SLC30A7: variants seen among roughly 807,000 people sequenced by gnomAD.
The protein encoded by SLC30A7 is solute carrier family 30 member 7, also known as zinc transporter 7.
A neutral mutation model predicts 46.0 loss-of-function variants in SLC30A7; 35 were observed. That is an observed-to-expected ratio of 0.76 (90% confidence interval 0.58 to 1.01). The LOEUF is 1.01. Among genes scored for constraint, SLC30A7 ranks in the 50% least tolerant of loss-of-function variants. SLC30A7 has a pLI of 0.00. For missense variants in SLC30A7, 464 were observed against 451.1 expected (o/e 1.03, Z -0.26); for synonymous variants, 147 against 157.8 (o/e 0.93, Z 0.51).
At chr1:100,988,878 T>A in the SLC30A7 span, among the ~76,000 whole-genome samples, 5 of 151,560 alleles carry the variant, frequency 3.3e-5, no homozygotes, top group Admixed American at 3.3e-4. Context: ...AAATAAAAAA[T>A]AATAAAGAAA....
chr1:100,968,853 T>C (rs1420169147), intron 10 of SLC30A7, among the ~76,000 whole-genome samples: 1 of 152,232 alleles, frequency 6.6e-6, no homozygotes, highest in Non-Finnish European at 1.5e-5. Context: ...GAATTTGTTA[T>C]ATAAACAGAT....
At chr1:100,937,523 C>T (rs914068112) in intron 8 of SLC30A7, among the ~76,000 whole-genome samples, 112 of 151,972 alleles carry the variant, frequency 7.4e-4, no homozygotes, top group African/African-American at 2.4e-3. Context: ...TAACGTAATG[C>T]GTATCAAGTG....
At chr1:100,963,711 A>G (rs910856508) in intron 9 of SLC30A7, among the ~76,000 whole-genome samples, 9 of 128,942 alleles carry the variant, frequency 7.0e-5, no homozygotes, top group African/African-American at 2.3e-4. Context: ...CACAAACCAC[A>G]TGTGGCTAGT....
chr1:100,959,033 G>T (rs1340244216), intron 8 of SLC30A7, among the ~76,000 whole-genome samples: 1 of 152,202 alleles, frequency 6.6e-6, no homozygotes, highest in Non-Finnish European at 1.5e-5. Flanking sequence ...ATTCTAAGCA[G>T]AAGTTATAGT....
At chr1:100,912,636 C>T (rs541938064) in intron 5 of SLC30A7, among the ~76,000 whole-genome samples, 137 of 151,744 alleles carry the variant, frequency 9.0e-4, no homozygotes, top group Non-Finnish European at 1.7e-3. Context: ...CCAGCCTGGG[C>T]GATATGGCGA....
intron 2 of SLC30A7, among the ~76,000 whole-genome samples, chr1:100,902,223 A>T (rs1651352056): frequency 6.6e-6 from 1 of 152,180 alleles, no homozygotes. Flanking sequence ...CAGAAGAGGG[A>T]GTAGTTTTTC....
rs1055137868 is a variant in SLC30A7, at chr1:100,896,582, C to G, written c.93C>G (p.Ser31=). ...KISGWFRSIL[S]DKTSRNLFFF... is the part of the protein sequence containing the mutation. ...GTATCATTCCCAGGTCTATACTGTC[C>G]GACAAGACTTCCCGGAACCTGTTTT... Residue 31 remains serine, a synonymous_variant, in exon 2 of 11, where the codon TCC becomes TCG. Coordinates refer to ENST00000357650, the MANE Select transcript of SLC30A7 (RefSeq NM_133496.5). 1 of 1,614,016 alleles carries G rather than the reference C, an allele frequency of 6.2e-7. No homozygotes were observed. Among genetic ancestry groups the G allele is most frequent in the Admixed American group, 1.7e-5 (1 of 60,024 alleles).
intron 8 of SLC30A7, among the ~76,000 whole-genome samples, chr1:100,961,256 C>T (rs748194514): frequency 6.6e-6 from 1 of 152,054 alleles, no homozygotes; most frequent in South Asian, 2.1e-4. Flanking sequence ...CCACCGCGCC[C>T]GGCCTGTTTT....
rs533593692 is a variant in SLC30A7, at chr1:100,926,015, C to T, written c.842+4174C>T. 1.2e-3 allele frequency among the ~76,000 whole-genome samples: 179 copies of T among 152,162 alleles called. 1 individual carries two copies. Among genetic ancestry groups the T allele is most frequent in the African/African-American group, 4.1e-3 (170 of 41,490 alleles). On this transcript the variant is annotated intron_variant, in intron 8 of 10. Transcript: ENST00000357650. ...CTCCTGCCTGCTAAAACTGATTTAG[C>T]GTCAGGGGCCCTTTCAATATAGTGC...
chr1:100,906,665 A>G (rs532468010), intron 2 of SLC30A7, among the ~76,000 whole-genome samples, 187 bp from the exon 3 acceptor site: 3 of 152,266 alleles, frequency 2.0e-5, no homozygotes, highest in East Asian at 1.9e-4. Flanking sequence ...TTCCTTGTGC[A>G]GGAGGTACGA....
At chr1:100,974,121 G>T (rs1656320041) in intron 10 of SLC30A7, among the ~76,000 whole-genome samples, 1 of 152,118 alleles carries the variant, frequency 6.6e-6, no homozygotes, top group Non-Finnish European at 1.5e-5. Context: ...TAGCTTTAGG[G>T]GGTACAAGTG....
chr1:100,940,687 TGTCATGATCGGAC>T lies in SLC30A7; in HGVS notation c.842+18847_842+18859del, dbSNP rs1654286276. Reference sequence around the variant, plus strand: ...AATTTATTTTTAAAGACACATTCAGTGTCATGATCGGACTATAACATTTAGCAATCAACAGCAT... The same window carrying T: ...AATTTATTTTTAAAGACACATTCAGTTATAACATTTAGCAATCAACAGCAT... On this transcript the variant is annotated intron_variant, in intron 8 of 10. Coordinates refer to ENST00000357650, the MANE Select transcript of SLC30A7 (RefSeq NM_133496.5). Among the ~76,000 whole-genome samples the T allele has an allele frequency of 2.0e-5, 3 of 152,340 alleles. No individual in the cohort carries two copies. The South Asian group carries it at 6.2e-4, about 32-fold the overall frequency.
intron 8 of SLC30A7, among the ~76,000 whole-genome samples, chr1:100,942,976 C>T (rs573990255): frequency 3.3e-5 from 5 of 152,302 alleles, no homozygotes; most frequent in African/African-American, 9.6e-5. Context: ...TTCCCTGTTA[C>T]GTGACTGAGG....
At chr1:100,925,633 TAGTTTC>T (rs2101038009) in intron 8 of SLC30A7, among the ~76,000 whole-genome samples, 1 of 152,296 alleles carries the variant, frequency 6.6e-6, no homozygotes, top group East Asian at 1.9e-4. Flanking sequence ...GAATTAAGGA[TAGTTTC>T]TAGAGTTTTT....
At chr1:100,898,160 C>A (rs187412039) in intron 2 of SLC30A7, among the ~76,000 whole-genome samples, 27 of 152,198 alleles carry the variant, frequency 1.8e-4, no homozygotes, top group African/African-American at 6.3e-4. Flanking sequence ...TGTATCATAG[C>A]TTATATATGC....
intron 10 of SLC30A7, among the ~76,000 whole-genome samples, chr1:100,973,818 C>G (rs1177353307): frequency 6.6e-6 from 1 of 152,040 alleles, no homozygotes; most frequent in African/African-American, 2.4e-5. Context: ...TATCTATAGG[C>G]AGGAGTGACC....
chr1:100,966,054 G>A lies in SLC30A7; in HGVS notation c.1083+136G>A, dbSNP rs1033271937. Reference sequence around the variant, plus strand: ...TAGATCAGTGTGGGCAACATAGTGAGACCCCGTCTCTACAAAACATAAAAT... The same window carrying A: ...TAGATCAGTGTGGGCAACATAGTGAAACCCCGTCTCTACAAAACATAAAAT... On this transcript the variant is annotated intron_variant, in intron 10 of 10. Transcript: ENST00000357650. 8.5e-6 allele frequency: 6 copies of A among 704,986 alleles called. No homozygotes were observed. In the African/African-American group the frequency reaches 1.1e-4, roughly 13 times the overall value. The allele number at this position is 704,986 out of a possible 1,614,324, so 43.7% of individuals were successfully genotyped here.
At chr1:100,933,540 A>G (rs564693326) in intron 8 of SLC30A7, among the ~76,000 whole-genome samples, 3 of 152,026 alleles carry the variant, frequency 2.0e-5, no homozygotes, top group Admixed American at 1.3e-4. Flanking sequence ...TACATTAGGT[A>G]TATCTCCTAA....
At chr1:100,923,396 TA>T (rs545395109) in intron 8 of SLC30A7, among the ~76,000 whole-genome samples, 1 of 152,136 alleles carries the variant, frequency 6.6e-6, no homozygotes, top group Admixed American at 6.5e-5. Flanking sequence ...AGTTTCTGCC[TA>T]AAAAAATAGG....
Sources: gnomAD v4.1 joint callset for allele counts (sites outside exome capture counted in the v4.1 genomes callset) on GRCh38, gnomAD v4.1.1 for gene constraint, MANE v1.5 for transcripts, NCBI Gene and HGNC (gene_info 2026-07-23, HGNC 2026-07-21) for gene names.